Variants in PTPN2 observed in about 807,000 individuals in gnomAD.
The protein encoded by PTPN2 is tyrosine-protein phosphatase non-receptor type 2.
Under a neutral mutation model 57.3 loss-of-function variants are expected in PTPN2, and 19 were observed. That is an observed-to-expected ratio of 0.33 (90% CI 0.23 to 0.49). The LOEUF is 0.49. Ranked by LOEUF, PTPN2 falls within the 20% of genes least tolerant of loss-of-function variation. PTPN2 has a pLI of 0.99. For missense variants in PTPN2, 358 were observed against 501.1 expected (o/e 0.71, Z 2.73); for synonymous variants, 153 against 164.9 (o/e 0.93, Z 0.55).
intron 2 of PTPN2, 52 bp downstream of exon 2, chr18:12,859,112 C>T (rs2043699729): frequency 1.4e-6 from 2 of 1,399,792 alleles, no homozygotes. Flanking sequence ...TACATCCTGC[C>T]TCCTAAAACA....
Position 12,884,201 on chromosome 18 carries a change from C to G in PTPN2, c.-60G>C, listed in dbSNP as rs2044784313. On this transcript the variant is annotated 5_prime_UTR_variant, in exon 1 of 9. Transcript: ENST00000309660. ...CGCCGGCGGAGAGGCTCAGGCCCCG[C>G]ACGATCCGGGGAGAGCGCTGGCGCT... The G allele has an allele frequency of 7.1e-7, 1 of 1,412,502 alleles. No individual in the cohort carries two copies. 87.5% of individuals were successfully genotyped at this position (1,412,502 alleles called of 1,614,324 possible).
intron 1 of PTPN2, among the ~76,000 whole-genome samples, chr18:12,874,115 G>A (rs923467659): frequency 6.6e-6 from 1 of 152,106 alleles, no homozygotes; most frequent in Non-Finnish European, 1.5e-5. Flanking sequence ...TGGGAAGTGA[G>A]GAGCGTCTCC....
At chr18:12,871,606 C>G (rs1418119253) in intron 1 of PTPN2, among the ~76,000 whole-genome samples, 1 of 151,466 alleles carries the variant, frequency 6.6e-6, no homozygotes, top group Non-Finnish European at 1.5e-5. Context: ...AAACTTAAAC[C>G]TTTTTTCTCT....
chr18:12,807,586 A>AATATATATATAT (rs1339941310), intron 7 of PTPN2, among the ~76,000 whole-genome samples: 4 of 35,186 alleles, frequency 1.1e-4, no homozygotes, highest in Admixed American at 5.6e-4. Flanking sequence ...AAAAAAAAAA[A>AATATATATATAT]ATATATATAT....
At chr18:12,850,593 A>G (rs552714765) in intron 2 of PTPN2, among the ~76,000 whole-genome samples, 2 of 152,184 alleles carry the variant, frequency 1.3e-5, no homozygotes, top group African/African-American at 4.8e-5. Context: ...TATTTTATAT[A>G]TTGTTTATTT....
In PTPN2 at chr18:12,847,909, A is replaced by AC. The variant is rs1555673955; in HGVS notation, c.161-11019_161-11018insG. 5.4e-3 allele frequency among the ~76,000 whole-genome samples: 770 copies of AC among 143,488 alleles called. 15 individuals carry two copies. In the East Asian group the frequency reaches 0.056, roughly 10 times the overall value. 94.1% of individuals were successfully genotyped at this position (143,488 alleles called of 152,430 possible). On this transcript the variant is annotated intron_variant, in intron 2 of 8. Coordinates refer to ENST00000309660, the MANE Select transcript of PTPN2 (RefSeq NM_002828.4). ...CCACTGCACTAGGCCAAAACTGAAT[A>AC]TTTAAAAAAAAAAAAAAAAAATTGA...
chr18:12,878,346 A>G (rs2044561536), intron 1 of PTPN2, among the ~76,000 whole-genome samples: 1 of 150,070 alleles, frequency 6.7e-6, no homozygotes, highest in African/African-American at 2.5e-5. Context: ...AGAAAAAAAA[A>G]GAAAGAAAAA....
chr18:12,859,050 A>G, intron 2 of PTPN2, 114 bp downstream of exon 2: 1 of 647,124 alleles, frequency 1.5e-6, no homozygotes, highest in Non-Finnish European at 2.6e-6. Flanking sequence ...TTACGTAAAT[A>G]GGAAAAAAAT....
intron 6 of PTPN2, among the ~76,000 whole-genome samples, chr18:12,816,617 A>T (rs1001980150): frequency 6.6e-6 from 1 of 152,194 alleles, no homozygotes; most frequent in Admixed American, 6.5e-5. Flanking sequence ...ACTGGGAATG[A>T]CTGGTGGAGA....
chr18:12,844,816 T>C (rs1456945271), intron 2 of PTPN2, among the ~76,000 whole-genome samples: 1 of 152,208 alleles, frequency 6.6e-6, no homozygotes, highest in Non-Finnish European at 1.5e-5. Context: ...CTAAGAACTC[T>C]TCATCTAGCC....
chr18:12,795,690 G>A (rs1020383725), intron 8 of PTPN2, among the ~76,000 whole-genome samples: 1 of 152,072 alleles, frequency 6.6e-6, no homozygotes, highest in South Asian at 2.1e-4. Context: ...TCAGGAGGAC[G>A]GCTTAAGCCC....
chr18:12,793,064 A>G lies in PTPN2; in HGVS notation c.*1214T>C. 2.0e-6 allele frequency: 2 copies of G among 985,424 alleles called. No individual in the cohort carries two copies. Among genetic ancestry groups the G allele is most frequent in the Non-Finnish European group, 2.4e-6 (2 of 829,878 alleles). The allele number at this position is 985,424 out of a possible 1,614,324, so 61.0% of individuals were successfully genotyped here. A position where few individuals can be genotyped will look rare whatever the true frequency, so the allele number is the denominator to read the frequency against. On this transcript the variant is annotated 3_prime_UTR_variant, in exon 9 of 9. Transcript: ENST00000309660. ...ACCACTGAAATAAGGTATGCTATCCATAATAATGTATGCTATCCATGCCTC... is the reference window on the plus strand; with the variant it reads ...ACCACTGAAATAAGGTATGCTATCCGTAATAATGTATGCTATCCATGCCTC...
chr18:12,786,409 C>G (rs527439323), intron 9 of PTPN2: 1 of 152,006 alleles, frequency 6.6e-6, no homozygotes, highest in Non-Finnish European at 1.5e-5. Context: ...TTATATCTAC[C>G]GAAATGAAGT....
rs2145210078 is a variant in PTPN2, at chr18:12,792,194, T to C, written c.*2084A>G. On this transcript the variant is annotated 3_prime_UTR_variant, in exon 9 of 9. Coordinates refer to ENST00000309660, the MANE Select transcript of PTPN2 (RefSeq NM_002828.4). The stretch of plus-strand genomic sequence containing the variant: ...TTAATATGTAGTACCACCTACATCC[T>C]GCTTTCATACTTTCAACATAATTTA... The C allele has an allele frequency of 1.1e-6, 1 of 938,854 alleles. No homozygotes were observed. The highest frequency in any genetic ancestry group is 1.3e-6 in the Non-Finnish European group (1 of 786,836). The allele number at this position is 938,854 out of a possible 1,614,324, so 58.2% of individuals were successfully genotyped here.
chr18:12,865,973 CAT>C (rs2043977701), intron 1 of PTPN2, among the ~76,000 whole-genome samples: 1 of 152,182 alleles, frequency 6.6e-6, no homozygotes, highest in Non-Finnish European at 1.5e-5. Flanking sequence ...AACTTGGACA[CAT>C]ATGTTCATGG....
intron 7 of PTPN2, among the ~76,000 whole-genome samples, chr18:12,811,990 T>A (rs1290924265): frequency 6.6e-6 from 1 of 152,184 alleles, no homozygotes; most frequent in African/African-American, 2.4e-5. Flanking sequence ...CCTCTGTAAT[T>A]TGTTAAAAGT....
At chr18:12,883,862 C>G (rs1444612222) in intron 1 of PTPN2, 2 of 508,834 alleles carry the variant, frequency 3.9e-6, no homozygotes, top group Non-Finnish European at 6.8e-6. Context: ...CTGCTCAGCT[C>G]AAGTATGCTT....
At chr18:12,857,262 T>G (rs1441901965) in intron 2 of PTPN2, among the ~76,000 whole-genome samples, 1 of 152,072 alleles carries the variant, frequency 6.6e-6, no homozygotes, top group East Asian at 1.9e-4. Flanking sequence ...ATGGGAATGC[T>G]CCACTGGTTT....
chr18:12,805,777 G>A (rs1481178425), intron 7 of PTPN2, among the ~76,000 whole-genome samples: 3 of 151,570 alleles, frequency 2.0e-5, no homozygotes, highest in East Asian at 2.0e-4. Flanking sequence ...CTACAGGCGC[G>A]TGCCAGCATA....
Sources: allele counts gnomAD v4.1 joint callset (sites outside exome capture counted in the v4.1 genomes callset), GRCh38; gene constraint gnomAD v4.1.1; transcripts MANE v1.5; gene names NCBI Gene and HGNC (gene_info 2026-07-23, HGNC 2026-07-21).